MYOM2: variants seen among roughly 807,000 people sequenced by gnomAD.
The protein encoded by MYOM2 is myomesin-2.
In MYOM2, 254 loss-of-function variants were observed where a neutral mutation model predicts 187.6. The observed-to-expected ratio is 1.35, with a 90% CI of 1.22 to 1.50. The LOEUF (loss-of-function observed/expected upper bound fraction) is 1.50, where lower values mean the gene tolerates loss of function less well. Among genes scored for constraint, MYOM2 ranks in the 40% most tolerant of loss-of-function variants. The pLI, the probability that MYOM2 is intolerant of heterozygous loss-of-function variation, is 0.00. For synonymous variants in MYOM2, 981 were observed against 753.8 expected, an observed-to-expected ratio of 1.30 and a Z score of -4.94; for missense variants, 2,796 against 1,924.0, an observed-to-expected ratio of 1.45 and a Z score of -8.48.
chr8:2,102,470 C>T lies in MYOM2; in HGVS notation c.2620-197C>T, dbSNP rs144010827. Among the ~76,000 whole-genome samples, 331 of 146,262 alleles carry T rather than the reference C, an allele frequency of 2.3e-3. 2 individuals carry two copies. Among genetic ancestry groups the T allele is most frequent in the African/African-American group, 7.9e-3 (324 of 41,020 alleles). ...GGTTCCATCAGATTGGGAGCGAATG[C>T]GTTTATTCCTCCAAAGTCACATTCT... is the stretch of plus-strand genomic sequence containing the variant. On this transcript the variant is annotated intron_variant, in intron 20 of 36. Transcript: ENST00000262113.
intron 14 of MYOM2, among the ~76,000 whole-genome samples, chr8:2,087,743 A>T (rs192029486): frequency 3.2e-4 from 48 of 152,266 alleles, no homozygotes; most frequent in African/African-American, 1.1e-3. Context: ...CCTAACACCC[A>T]GAGTAGCTGG....
chr8:2,120,689 A>ATATATATATATTTATAATAT, intron 28 of MYOM2, among the ~76,000 whole-genome samples: 7 of 42,416 alleles, frequency 1.7e-4, no homozygotes, highest in Non-Finnish European at 3.3e-4. Context: ...ATTATATATA[A>ATATATATATATTTATAATAT]ATATATAATA....
rs186736344 is a variant in MYOM2 at position 2,052,319 on chromosome 8, C to T, written c.263+6C>T. 664 of 1,592,804 alleles carry T rather than the reference C, an allele frequency of 4.2e-4. 1 individual carries two copies. Among genetic ancestry groups the T allele is most frequent in the Non-Finnish European group, 5.1e-4 (598 of 1,168,676 alleles). Reference sequence around the variant, plus strand: ...GAGCAGGAGAACAGAAGCAGGTGAGCACATGGCTTCCCTGACTCCACTTGT... The same window carrying T: ...GAGCAGGAGAACAGAAGCAGGTGAGTACATGGCTTCCCTGACTCCACTTGT... On this transcript the variant is annotated splice_donor_region_variant and intron_variant, in intron 3 of 36. Transcript: ENST00000262113.
chr8:2,057,500 AGGGTGGCT>A lies in MYOM2; in HGVS notation c.402+20_402+27del, dbSNP rs1464065895. 7 of 1,613,756 alleles carry A rather than the reference AGGGTGGCT, an allele frequency of 4.3e-6. No homozygotes were observed. The highest frequency in any genetic ancestry group is 2.5e-6 in the Non-Finnish European group (3 of 1,179,774). Reference sequence around the variant, plus strand: ...ATTCAGCAGATGGTAGGAGGGTCTCAGGGTGGCTGGGTGTCTGGGAAGCGTGGACTAGA... The same window carrying A: ...ATTCAGCAGATGGTAGGAGGGTCTCAGGGTGTCTGGGAAGCGTGGACTAGA... On this transcript the variant is annotated intron_variant, in intron 4 of 36. Coordinates refer to ENST00000262113, the MANE Select transcript of MYOM2 (RefSeq NM_003970.4).
rs747614365 is a variant in MYOM2 at position 2,106,430 on chromosome 8, A to G, written c.2891+32A>G. On this transcript the variant is annotated intron_variant, in intron 22 of 36. Coordinates refer to ENST00000262113, the MANE Select transcript of MYOM2 (RefSeq NM_003970.4). ...GAGGCCTGGAAGTTGGATACTGGAA[A>G]CTTTTAGAAGTTCCTGCAAACAGAA... is the stretch of plus-strand genomic sequence containing the variant. 3.1e-6 allele frequency: 5 copies of G among 1,611,778 alleles called. No individual in the cohort carries two copies. The East Asian group carries it at 8.9e-5, about 29-fold the overall frequency.
chr8:2,073,483 C>A lies in MYOM2; in HGVS notation c.1103C>A (p.Ala368Asp). The A allele has an allele frequency of 6.2e-7, 1 of 1,605,506 alleles. No homozygotes were observed. Among genetic ancestry groups the A allele is most frequent in the Non-Finnish European group, 8.5e-7 (1 of 1,178,706 alleles). ...CGGGGCGGCGTCAGCGACCACAGCG[C>A]CTTCCTGTTTGTCAGAGGTGCGGGC... ...VSRGGVSDHS[A>D]FLFVRDADPL... The change falls in exon 10 of 37, where the codon GCC (alanine) becomes GAC (aspartate). Residue 368 changes from alanine (A) to aspartate (D), a missense_variant. Transcript: ENST00000262113.
intron 12 of MYOM2, among the ~76,000 whole-genome samples, 183 bp downstream of exon 12, chr8:2,079,116 C>T (rs1026692655): frequency 3.3e-5 from 5 of 152,298 alleles, no homozygotes; most frequent in East Asian, 3.9e-4. Flanking sequence ...GGAATGAAAA[C>T]GGGCTGACGT....
chr8:2,120,689 A>ATATATATATATATATATATATATATTAT, intron 28 of MYOM2, among the ~76,000 whole-genome samples: 1 of 42,416 alleles, frequency 2.4e-5, no homozygotes, highest in Non-Finnish European at 4.7e-5. Context: ...ATTATATATA[A>ATATATATATATATATATATATATATTAT]ATATATAATA....
Position 2,061,383 on chromosome 8 carries a change from G to C in MYOM2, c.653+2138G>C, listed in dbSNP as rs530362036. On this transcript the variant is annotated intron_variant, in intron 6 of 36. Transcript: ENST00000262113. ...TTGTCCCCGTCCAGCCTGGCAGAAA[G>C]TTGGGCTCTGCCTGGCTTCTCTCCC... is the stretch of plus-strand genomic sequence containing the variant. Among the ~76,000 whole-genome samples, 9 of 152,300 alleles carry C rather than the reference G, an allele frequency of 5.9e-5. No homozygotes were observed. The East Asian group carries it at 1.7e-3, about 29-fold the overall frequency.
rs1818515763 is a variant in MYOM2, at chr8:2,052,238, T to C, written c.188T>C (p.Leu63Pro). 6.2e-7 allele frequency: 1 copy of C among 1,613,372 alleles called. No individual in the cohort carries two copies. The highest frequency in any genetic ancestry group is 8.5e-7 in the Non-Finnish European group (1 of 1,179,816). ...CAGAGAGCCTCCAGCCAGACGTCCC[T>C]GGGAGGAACCATCTGCAGGGTCTGT... is the stretch of plus-strand genomic sequence containing the variant. Reference protein sequence around the residue: ...SSQRASSQTSLGGTICRVCAK... With the variant: ...SSQRASSQTSPGGTICRVCAK... Residue 63 changes from leucine (L) to proline (P), a missense_variant, in exon 3 of 37, where the codon CTG becomes CCG. Physicochemically the swap from Leu to Pro is moderately conservative, Grantham distance 98. Coordinates refer to ENST00000262113, the MANE Select transcript of MYOM2 (RefSeq NM_003970.4).
intron 10 of MYOM2, among the ~76,000 whole-genome samples, chr8:2,075,050 T>C (rs1819371085): frequency 1.3e-5 from 2 of 152,362 alleles, no homozygotes; most frequent in African/African-American, 2.4e-5. Context: ...ATGATTACTT[T>C]TTCCATTGCA....
chr8:2,082,110 C>T (rs2116686844), intron 13 of MYOM2: 1 of 152,296 alleles, frequency 6.6e-6, no homozygotes, highest in East Asian at 1.9e-4. Flanking sequence ...GCTCAGCCTC[C>T]CCGGCTTCAG....
At chr8:2,054,898 C>CAAGTACCTGGATACTGGGGAACT (rs1339460029) in intron 3 of MYOM2, among the ~76,000 whole-genome samples, 2 of 127,448 alleles carry the variant, frequency 1.6e-5, no homozygotes, top group African/African-American at 5.2e-5. Context: ...ACTGGGGAAC[C>CAAGTACCTGGATACTGGGGAACT]AAGTACCTGG....
chr8:2,046,390 G>A (rs566342271), intron 1 of MYOM2, among the ~76,000 whole-genome samples: 12 of 152,296 alleles, frequency 7.9e-5, no homozygotes, highest in African/African-American at 2.6e-4. Context: ...GGGAGTGGCC[G>A]GGGAGCTGGG....
At position 2,127,642 on chromosome 8, in the gene MYOM2, C is replaced by T. The variant is rs1340877024; in HGVS notation, c.3695-1485C>T. The T allele has an allele frequency of 3.3e-5, 5 of 153,274 alleles. 1 individual carries two copies. The highest frequency in any genetic ancestry group is 7.4e-5 in the African/African-American group (3 of 40,286). 9.5% of individuals were successfully genotyped at this position (153,274 alleles called of 1,614,324 possible). ...ACCTCGGCGTGACGCGGTGACGCAGCCGCAGGCAGGCAGTACCTCGGCGTG... is the reference window on the plus strand; with the variant it reads ...ACCTCGGCGTGACGCGGTGACGCAGTCGCAGGCAGGCAGTACCTCGGCGTG... On this transcript the variant is annotated intron_variant, in intron 31 of 36. Transcript: ENST00000262113.
intron 32 of MYOM2, among the ~76,000 whole-genome samples, chr8:2,137,391 G>A (rs5023991): frequency 1.3e-5 from 2 of 151,666 alleles, no homozygotes; most frequent in East Asian, 3.9e-4. Context: ...CTTCGCAAGC[G>A]GGGAGCTCAT....
chr8:2,057,576 C>T (rs759186428), intron 4 of MYOM2, 47 bp from the exon 5 acceptor site: 1 of 1,613,032 alleles, frequency 6.2e-7, no homozygotes, highest in Non-Finnish European at 8.5e-7. Flanking sequence ...GAGGGTGGAG[C>T]TTGGCTCGCT....
In MYOM2 at chr8:2,098,037, G is replaced by C. The variant is rs1460549102; in HGVS notation, c.2314-820G>C. On this transcript the variant is annotated intron_variant, in intron 18 of 36. Transcript: ENST00000262113. ...TTCCACATCTGAGCGAGATCACACA[G>C]TGTCTGTCCTTTTGTCCCTGGGTCA... 4 of 152,190 alleles carry C rather than the reference G, an allele frequency of 2.6e-5. No individual in the cohort carries two copies. The South Asian group carries it at 8.3e-4, about 32-fold the overall frequency. 9.4% of individuals were successfully genotyped at this position (152,190 alleles called of 1,614,324 possible).
At position 2,098,929 on chromosome 8, in the gene MYOM2, C is replaced by T. The variant is rs1417654729; in HGVS notation, c.2386C>T (p.Pro796Ser). The stretch of plus-strand genomic sequence containing the variant: ...CGTCAACCTGGCCGGCATCGGGGAG[C>T]CCTCAGATCCCAGTGAGCACTTCAA... ...AAVNLAGIGE[P>S]SDPSEHFKCE... The change falls in exon 19 of 37, where the codon CCC becomes TCC. Residue 796 changes from proline (P) to serine (S), a missense_variant. Physicochemically the swap from Pro to Ser is moderately conservative, Grantham distance 74. Coordinates refer to ENST00000262113, the MANE Select transcript of MYOM2 (RefSeq NM_003970.4). 6 of 1,612,836 alleles carry T rather than the reference C, an allele frequency of 3.7e-6. No individual in the cohort carries two copies. The highest frequency in any genetic ancestry group is 5.1e-6 in the Non-Finnish European group (6 of 1,179,308).
Sources: gnomAD v4.1 joint callset for allele counts (sites outside exome capture counted in the v4.1 genomes callset) on GRCh38, gnomAD v4.1.1 for gene constraint, MANE v1.5 for transcripts, NCBI Gene and HGNC (gene_info 2026-07-23, HGNC 2026-07-21) for gene names.